Variants in CLIC2 observed in about 807,000 individuals in gnomAD.
CLIC2 encodes the protein chloride intracellular channel protein 2.
CLIC2 carries 9 observed loss-of-function variants against 14.8 expected under a neutral mutation model. That is an observed-to-expected ratio of 0.61 (90% CI 0.37 to 1.06). The LOEUF is 1.06. Among genes scored for constraint, CLIC2 ranks in the 50% least tolerant of loss-of-function variants. The pLI, the probability that CLIC2 is intolerant of heterozygous loss-of-function variation, is 0.01. For missense variants in CLIC2, 148 were observed against 181.4 expected (o/e 0.82, Z 1.06); for synonymous variants, 61 against 66.3 (o/e 0.92, Z 0.39).
At chrX:155,308,953 T>C (rs2075064907) in intron 1 of CLIC2, among the ~76,000 whole-genome samples, 1 of 111,033 alleles carries the variant, frequency 9.0e-6, no homozygotes, top group Admixed American at 9.6e-5. Context: ...TAATGACAAA[T>C]AAGTAATCAC....
intron 1 of CLIC2, among the ~76,000 whole-genome samples, chrX:155,310,967 G>A (rs970834796): frequency 1.1e-4 from 12 of 112,011 alleles, no homozygotes; most frequent in African/African-American, 3.9e-4. Context: ...AGGGCACCAA[G>A]TCCCTAGACT....
At chrX:155,328,568 T>C (rs1274785163) in intron 1 of CLIC2, among the ~76,000 whole-genome samples, 1 of 111,431 alleles carries the variant, frequency 9.0e-6, no homozygotes, top group East Asian at 2.8e-4. Flanking sequence ...AAAATGTCCA[T>C]AGTACCCAAA....
chrX:155,333,121 T>G (rs1173066495), intron 1 of CLIC2, among the ~76,000 whole-genome samples: 4 of 112,030 alleles, frequency 3.6e-5, no homozygotes, highest in Non-Finnish European at 5.7e-5. Context: ...AGGTTGATGA[T>G]GTCCTTGGTG....
chrX:155,283,820 T>G (rs2074929588), intron 3 of CLIC2, among the ~76,000 whole-genome samples: 1 of 111,876 alleles, frequency 8.9e-6, no homozygotes, highest in South Asian at 3.7e-4. Flanking sequence ...TTGTTGTTGG[T>G]TTAGTTAATT....
intron 1 of CLIC2, among the ~76,000 whole-genome samples, chrX:155,329,746 T>C (rs782787746): frequency 1.3e-4 from 14 of 110,417 alleles, no homozygotes; most frequent in Admixed American, 9.7e-5. Flanking sequence ...CCCACATTCA[T>C]TGCAGTACTA....
chrX:155,286,243 T>C (rs977708756), intron 3 of CLIC2, among the ~76,000 whole-genome samples: 1 of 112,358 alleles, frequency 8.9e-6, no homozygotes, highest in Non-Finnish European at 1.9e-5. Context: ...TGGATTTCTG[T>C]TCCTGTGTTA....
chrX:155,332,252 G>C (rs2075159346), intron 1 of CLIC2, among the ~76,000 whole-genome samples: 2 of 111,736 alleles, frequency 1.8e-5, no homozygotes, highest in Non-Finnish European at 3.8e-5. Context: ...TTAATCTCTT[G>C]TAGTAATGCC....
intron 1 of CLIC2, among the ~76,000 whole-genome samples, chrX:155,319,981 A>G (rs1362561426): frequency 1.2e-4 from 13 of 112,693 alleles, no homozygotes; most frequent in Non-Finnish European, 1.9e-5. Flanking sequence ...CAGCTCGGCA[A>G]AGCCGCTGTA....
At position 155,285,167 on chromosome X, in the gene CLIC2, C is replaced by T. The variant is rs143310922; in HGVS notation, c.294-5099G>A. Among the ~76,000 whole-genome samples the T allele has an allele frequency of 3.6e-5, 4 of 112,204 alleles. No homozygotes were observed. In the East Asian group the frequency reaches 1.1e-3, roughly 31 times the overall value. ...ATATCCAGCAATATGGAAGACTAAC[C>T]GTTGTGGAGGGCCTTGTAAAAAGAC... On this transcript the variant is annotated intron_variant, in intron 3 of 5. Transcript: ENST00000369449.
At chrX:155,290,003 T>C (rs2074957734) in intron 3 of CLIC2, among the ~76,000 whole-genome samples, 1 of 111,879 alleles carries the variant, frequency 8.9e-6, no homozygotes, top group South Asian at 3.7e-4. Context: ...TATTTTAAGG[T>C]CTTTCTGTCC....
chrX:155,306,256 C>T (rs781886928), intron 1 of CLIC2, among the ~76,000 whole-genome samples: 1 of 111,013 alleles, frequency 9.0e-6, no homozygotes, highest in Non-Finnish European at 1.9e-5. Context: ...TTTGTTCCTG[C>T]TCAGTTAGTT....
intron 1 of CLIC2, among the ~76,000 whole-genome samples, chrX:155,313,848 A>G (rs781952445): frequency 1.8e-5 from 2 of 112,100 alleles, no homozygotes; most frequent in African/African-American, 6.5e-5. Flanking sequence ...GAGGGGGCAC[A>G]GTGGGAGTAA....
chrX:155,321,731 G>A (rs1385698312), intron 1 of CLIC2, among the ~76,000 whole-genome samples: 5 of 111,382 alleles, frequency 4.5e-5, no homozygotes, highest in African/African-American at 1.6e-4. Context: ...GAATATAAAT[G>A]GGCTAAATGT....
chrX:155,320,126 T>C (rs1415188851), intron 1 of CLIC2, among the ~76,000 whole-genome samples: 3 of 112,209 alleles, frequency 2.7e-5, no homozygotes, highest in African/African-American at 9.7e-5. Context: ...TGGCTGTGGG[T>C]GCAGCTTCAG....
intron 3 of CLIC2, chrX:155,293,535 C>T: frequency 2.2e-6 from 1 of 448,605 alleles, no homozygotes; most frequent in Non-Finnish European, 3.9e-6. Context: ...TACAAAACAA[C>T]CAGAAAAAAA....
intron 1 of CLIC2, among the ~76,000 whole-genome samples, chrX:155,302,382 A>G (rs1557319257): frequency 9.1e-6 from 1 of 110,138 alleles, no homozygotes; most frequent in Non-Finnish European, 1.9e-5. Context: ...TGTTTGTAGT[A>G]TTCTCTGATG....
At chrX:155,285,331 G>A (rs2074937847) in intron 3 of CLIC2, among the ~76,000 whole-genome samples, 1 of 111,932 alleles carries the variant, frequency 8.9e-6, no homozygotes, top group Non-Finnish European at 1.9e-5. Flanking sequence ...AAAAATGGGT[G>A]TGTCAAAGAG....
intron 1 of CLIC2, among the ~76,000 whole-genome samples, chrX:155,323,566 G>A (rs1239376433): frequency 8.9e-6 from 1 of 111,970 alleles, no homozygotes; most frequent in African/African-American, 3.2e-5. Flanking sequence ...AAAACCCATA[G>A]CCAATATCAT....
intron 1 of CLIC2, among the ~76,000 whole-genome samples, chrX:155,315,583 T>A (rs1299481506): frequency 9.0e-6 from 1 of 111,653 alleles, no homozygotes; most frequent in East Asian, 2.8e-4. Flanking sequence ...ACTACCAAGC[T>A]GGCAATACAA....
Sources: allele counts gnomAD v4.1 joint callset (sites outside exome capture counted in the v4.1 genomes callset), GRCh38; gene constraint gnomAD v4.1.1; transcripts MANE v1.5; gene names NCBI Gene and HGNC (gene_info 2026-07-23, HGNC 2026-07-21).